FAM118A: variants seen among roughly 807,000 people sequenced by gnomAD.
FAM118A encodes the protein protein FAM118A.
In FAM118A, 25 loss-of-function variants were observed where a neutral mutation model predicts 38.2. The observed-to-expected ratio is 0.65, with a 90% confidence interval of 0.48 to 0.91. FAM118A has a LOEUF of 0.91. Ranked by LOEUF, FAM118A falls within the 40% of genes least tolerant of loss-of-function variation. The pLI is 0.00. For synonymous variants in FAM118A, 178 were observed against 184.1 expected, an observed-to-expected ratio of 0.97 and a Z score of 0.27; for missense variants, 425 against 463.3, an observed-to-expected ratio of 0.92 and a Z score of 0.76.
rs570652188 is a variant in FAM118A, at chr22:45,323,301, C to T, written c.174C>T (p.Ala58=). 2.5e-4 allele frequency: 396 copies of T among 1,614,148 alleles called. No homozygotes were observed. The highest frequency in any genetic ancestry group is 8.2e-4 in the Middle Eastern group (5 of 6,062). The change falls in exon 3 of 9, where the codon GCC becomes GCT. Residue 58 remains alanine, a synonymous_variant. Transcript: ENST00000441876. The part of the protein sequence containing the change: ...ALCSWRSCIE[A]VIEAAEQLEV... ...GCTCGTGGAGAAGCTGCATCGAGGC[C>T]GTCATCGAGGCTGCAGAGCAGCTGG...
chr22:45,324,434 A>G (rs1458916972), intron 3 of FAM118A, among the ~76,000 whole-genome samples: 2 of 152,202 alleles, frequency 1.3e-5, no homozygotes. Context: ...GGGGGCTTCA[A>G]GGGCCACCAC....
chr22:45,322,103 T>G, intron 1 of FAM118A: 2 of 1,175,456 alleles, frequency 1.7e-6, no homozygotes, highest in Non-Finnish European at 2.3e-6. Flanking sequence ...ATCCTTCATC[T>G]GCTCCTGTGT....
Position 45,335,408 on chromosome 22 carries a change from G to A in FAM118A, c.970+26G>A, listed in dbSNP as rs368436658. 3.9e-5 allele frequency: 63 copies of A among 1,613,840 alleles called. No homozygotes were observed. The African/African-American group carries it at 6.9e-4, about 18-fold the overall frequency. ...GTAAAGCAGATCTTTCTTCTTGCCAGCCTGTTTTTTGCCTACACATTCCAT... is the reference window on the plus strand; with the variant it reads ...GTAAAGCAGATCTTTCTTCTTGCCAACCTGTTTTTTGCCTACACATTCCAT... On this transcript the variant is annotated intron_variant, in intron 7 of 8. Transcript: ENST00000441876.
At chr22:45,322,601 C>T (rs931512978) in intron 2 of FAM118A, among the ~76,000 whole-genome samples, 175 bp downstream of exon 2, 3 of 152,158 alleles carry the variant, frequency 2.0e-5, no homozygotes, top group South Asian at 2.1e-4. Context: ...AAGGAACGTT[C>T]CAGAAGGCAG....
intron 3 of FAM118A, among the ~76,000 whole-genome samples, chr22:45,327,080 T>A (rs961247949): frequency 5.3e-5 from 8 of 149,580 alleles, no homozygotes; most frequent in South Asian, 2.1e-4. Context: ...AAAAAATTTT[T>A]AAAAAATATA....
intron 1 of FAM118A, among the ~76,000 whole-genome samples, chr22:45,317,303 C>T (rs566997433): frequency 9.9e-5 from 15 of 152,262 alleles, no homozygotes; most frequent in Admixed American, 2.0e-4. Flanking sequence ...TGCTTGAACC[C>T]GGGAGGCGGA....
chr22:45,336,530 GT>G (rs1477908562), intron 8 of FAM118A, 119 bp downstream of exon 8: 1 of 716,746 alleles, frequency 1.4e-6, no homozygotes, highest in Non-Finnish European at 2.4e-6. Flanking sequence ...CGGTGCATAC[GT>G]TCTGTCAGGG....
intron 4 of FAM118A, 53 bp from the exon 5 acceptor site, chr22:45,330,550 T>C: frequency 1.4e-6 from 2 of 1,464,474 alleles, no homozygotes; most frequent in Non-Finnish European, 1.8e-6. Flanking sequence ...TTCTTCTCTC[T>C]GTTTGAAACA....
chr22:45,336,269 T>C, intron 7 of FAM118A, 59 bp from the exon 8 acceptor site: 3 of 1,403,342 alleles, frequency 2.1e-6, no homozygotes, highest in South Asian at 2.4e-5. Flanking sequence ...CATTATGAAC[T>C]GTGCCTTGGC....
At chr22:45,335,406 CA>C in intron 7 of FAM118A, 24 bp downstream of exon 7, 1 of 1,614,046 alleles carries the variant, frequency 6.2e-7, no homozygotes, top group Non-Finnish European at 8.5e-7. Context: ...TTCTTCTTGC[CA>C]GCCTGTTTTT....
At chr22:45,314,150 A>G (rs1456299982) in intron 1 of FAM118A, among the ~76,000 whole-genome samples, 1 of 152,166 alleles carries the variant, frequency 6.6e-6, no homozygotes, top group Non-Finnish European at 1.5e-5. Context: ...CCTTGTCAGG[A>G]AAATGCCGTC....
intron 1 of FAM118A, among the ~76,000 whole-genome samples, chr22:45,317,048 C>T (rs891686638): frequency 2.6e-5 from 4 of 152,286 alleles, no homozygotes; most frequent in Admixed American, 2.0e-4. Context: ...CTTTTTGAAA[C>T]TGCTCAAAGC....
At chr22:45,313,822 G>C (rs539422625) in intron 1 of FAM118A, among the ~76,000 whole-genome samples, 1 of 152,258 alleles carries the variant, frequency 6.6e-6, no homozygotes, top group African/African-American at 2.4e-5. Context: ...TGTGGCCGCC[G>C]AACACTGAAA....
intron 1 of FAM118A, among the ~76,000 whole-genome samples, chr22:45,319,143 A>G (rs1274782890): frequency 6.6e-6 from 1 of 152,266 alleles, no homozygotes; most frequent in Non-Finnish European, 1.5e-5. Context: ...ATCGAAAGCA[A>G]TTGAACAGTG....
intron 1 of FAM118A, among the ~76,000 whole-genome samples, chr22:45,315,428 T>C (rs1421500344): frequency 6.6e-6 from 1 of 152,206 alleles, no homozygotes; most frequent in Non-Finnish European, 1.5e-5. Flanking sequence ...ACCAGAACCA[T>C]GATTACACTG....
chr22:45,323,062 T>C, intron 2 of FAM118A, 113 bp from the exon 3 acceptor site: 1 of 1,092,536 alleles, frequency 9.2e-7, no homozygotes, highest in Non-Finnish European at 1.3e-6. Context: ...TGTGTGTGTG[T>C]GTGTGTGTGT....
At chr22:45,314,449 A>G (rs1283737728) in intron 1 of FAM118A, among the ~76,000 whole-genome samples, 2 of 152,234 alleles carry the variant, frequency 1.3e-5, no homozygotes, top group Non-Finnish European at 2.9e-5. Context: ...GGACCAGACA[A>G]TGCCCAGGCC....
At position 45,327,851 on chromosome 22, in the gene FAM118A, G is replaced by C. The variant is rs770117852; in HGVS notation, c.310G>C (p.Asp104His). 1.9e-6 allele frequency: 3 copies of C among 1,614,098 alleles called. No homozygotes were observed. In the African/African-American group the frequency reaches 4.0e-5, roughly 22 times the overall value. Reference protein sequence around the residue: ...LIRKMSPRTGDAKPSFFQDCL... With the variant: ...LIRKMSPRTGHAKPSFFQDCL... ...TTCCACCTTTTTGTAGCGCACAGGC[G>C]ATGCCAAGCCCAGCTTCTTCCAGGA... The change falls in exon 4 of 9, where the codon GAT (aspartate) becomes CAT (histidine). Residue 104 changes from aspartate to histidine, a missense_variant. By Grantham distance (81) the Asp-to-His change is moderately conservative. Coordinates refer to ENST00000441876, the MANE Select transcript of FAM118A (RefSeq NM_017911.4).
rs141383743 is a variant in FAM118A at position 45,339,473 on chromosome 22, C to T, written c.1055-913C>T. Among the ~76,000 whole-genome samples the T allele has an allele frequency of 5.5e-4, 83 of 152,252 alleles. 2 individuals carry two copies. The East Asian group carries it at 0.015, about 27-fold the overall frequency. ...GGGGGCACACATGTTTTAGAGAATT[C>T]GATTTTGATATTGTTTTGGATCAAA... On this transcript the variant is annotated intron_variant, in intron 8 of 8. Transcript: ENST00000441876.
Sources: gnomAD v4.1 joint callset for allele counts (sites outside exome capture counted in the v4.1 genomes callset) on GRCh38, gnomAD v4.1.1 for gene constraint, MANE v1.5 for transcripts, NCBI Gene and HGNC (gene_info 2026-07-23, HGNC 2026-07-21) for gene names.